Variants in FAM241A observed in about 807,000 individuals in gnomAD.
The protein encoded by FAM241A is uncharacterized protein FAM241A.
FAM241A carries 7 observed loss-of-function variants against 12.2 expected under a neutral mutation model. The ratio of observed to expected loss-of-function variants is 0.58; its 90% CI spans 0.33 to 1.08. The LOEUF is 1.08. Among genes scored for constraint, FAM241A ranks in the 50% least tolerant of loss-of-function variants. The probability of loss-of-function intolerance (pLI) is 0.04; values close to 1 mark genes in which losing one functional copy is unlikely to be tolerated. For missense variants in FAM241A, 161 were observed against 169.7 expected (o/e 0.95, Z 0.29); for synonymous variants, 74 against 68.2 (o/e 1.08, Z -0.42).
rs1360249671 is a variant in FAM241A, at chr4:112,186,753, G to A, written c.214G>A (p.Gly72Arg). The change falls in exon 2 of 2, where the codon GGA becomes AGA. Residue 72 changes from glycine (G) to arginine (R), a missense_variant. Transcript: ENST00000309733. ...GGTTGGAGATGACTACAAGAAAATG[G>A]GAACACTTTTTGGTGAACTGAACAA... is the stretch of plus-strand genomic sequence containing the variant. ...EPVGDDYKKM[G>R]TLFGELNKNL... 1 of 1,613,698 alleles carries A rather than the reference G, an allele frequency of 6.2e-7. No homozygotes were observed. Among genetic ancestry groups the A allele is most frequent in the Non-Finnish European group, 8.5e-7 (1 of 1,179,936 alleles).
In FAM241A at chr4:112,145,512, C is replaced by G. The variant is rs1014608004; in HGVS notation, c.-69C>G. Reference sequence around the variant, plus strand: ...GGATCCCAGGGCAGCCTTCGGGCGGCGGCGCTGCCTGGTGCGTCGCGGCGT... The same window carrying G: ...GGATCCCAGGGCAGCCTTCGGGCGGGGGCGCTGCCTGGTGCGTCGCGGCGT... On this transcript the variant is annotated 5_prime_UTR_variant, in exon 1 of 2. Coordinates refer to ENST00000309733, the MANE Select transcript of FAM241A (RefSeq NM_152400.3). 2.5e-5 allele frequency: 30 copies of G among 1,191,556 alleles called. No individual in the cohort carries two copies. The highest frequency in any genetic ancestry group is 3.0e-5 in the Non-Finnish European group (29 of 958,972). The allele number at this position is 1,191,556 out of a possible 1,614,324, so 73.8% of individuals were successfully genotyped here. A position where few individuals can be genotyped will look rare whatever the true frequency, so the allele number is the denominator to read the frequency against.
intron 1 of FAM241A, among the ~76,000 whole-genome samples, chr4:112,171,963 T>TA (rs1372293350): frequency 6.6e-6 from 1 of 152,224 alleles, no homozygotes; most frequent in African/African-American, 2.4e-5. Flanking sequence ...AAACTGCTTT[T>TA]AAAAACTGAT....
chr4:112,172,774 A>T (rs1723749221), intron 1 of FAM241A, among the ~76,000 whole-genome samples: 1 of 152,240 alleles, frequency 6.6e-6, no homozygotes, highest in South Asian at 2.1e-4. Flanking sequence ...AGTGTTTTTA[A>T]AGCCAAATAA....
intron 1 of FAM241A, among the ~76,000 whole-genome samples, chr4:112,186,255 C>T (rs1349042042): frequency 1.3e-5 from 2 of 152,160 alleles, no homozygotes; most frequent in African/African-American, 2.4e-5. Context: ...AGGGCCTGCG[C>T]TGAAGTCTGC....
At chr4:112,174,299 T>A (rs910633748) in intron 1 of FAM241A, among the ~76,000 whole-genome samples, 11 of 152,294 alleles carry the variant, frequency 7.2e-5, no homozygotes, top group African/African-American at 2.6e-4. Context: ...AAGTGTCTAA[T>A]TTTACAGCAG....
chr4:112,156,092 G>C (rs797015235), intron 1 of FAM241A, among the ~76,000 whole-genome samples: 3 of 152,276 alleles, frequency 2.0e-5, no homozygotes, highest in African/African-American at 7.2e-5. Flanking sequence ...GAGTAATATA[G>C]AAATTATTAG....
chr4:112,178,450 C>T (rs1723866389), intron 1 of FAM241A, among the ~76,000 whole-genome samples: 1 of 152,096 alleles, frequency 6.6e-6, no homozygotes, highest in East Asian at 1.9e-4. Context: ...TCCTCAACAC[C>T]ATTAAATAGG....
intron 1 of FAM241A, among the ~76,000 whole-genome samples, chr4:112,155,581 C>T (rs1055334197): frequency 6.6e-6 from 1 of 151,604 alleles, no homozygotes. Flanking sequence ...ATAGGTAGTA[C>T]ATTTTTACAT....
chr4:112,180,835 A>G (rs1237056621), intron 1 of FAM241A, among the ~76,000 whole-genome samples: 3 of 152,196 alleles, frequency 2.0e-5, no homozygotes, highest in Non-Finnish European at 2.9e-5. Flanking sequence ...AGTCCTGCCA[A>G]CATGACTTCT....
At chr4:112,175,850 C>T (rs1175476411) in intron 1 of FAM241A, among the ~76,000 whole-genome samples, 2 of 151,878 alleles carry the variant, frequency 1.3e-5, no homozygotes, top group Non-Finnish European at 2.9e-5. Flanking sequence ...AACACGTGGA[C>T]TAAAAGCAGG....
At chr4:112,164,203 T>C (rs1028927797) in intron 1 of FAM241A, among the ~76,000 whole-genome samples, 10 of 151,720 alleles carry the variant, frequency 6.6e-5, no homozygotes, top group Admixed American at 6.6e-4. Flanking sequence ...ACATGGCACA[T>C]GTATACATGT....
At chr4:112,185,949 GGCAGA>G (rs1413504418) in intron 1 of FAM241A, among the ~76,000 whole-genome samples, 1 of 152,076 alleles carries the variant, frequency 6.6e-6, no homozygotes, top group Non-Finnish European at 1.5e-5. Context: ...TCCCTCTATT[GGCAGA>G]GCCTAACAGG....
chr4:112,171,543 G>A lies in FAM241A; in HGVS notation c.154-15150G>A, dbSNP rs187504826. On this transcript the variant is annotated intron_variant, in intron 1 of 1. Coordinates refer to ENST00000309733, the MANE Select transcript of FAM241A (RefSeq NM_152400.3). ...GATTCAGTTCTAAGTGTCATCTTTT[G>A]TTTTATTATGAAGACTATAAAATCT... 3 of 752,044 alleles carry A rather than the reference G, an allele frequency of 4.0e-6. No individual in the cohort carries two copies. In the East Asian group the frequency reaches 7.4e-5, roughly 18 times the overall value. 46.6% of individuals were successfully genotyped at this position (752,044 alleles called of 1,614,324 possible). A position where few individuals can be genotyped will look rare whatever the true frequency, so the allele number is the denominator to read the frequency against.
intron 1 of FAM241A, among the ~76,000 whole-genome samples, chr4:112,149,525 AC>A (rs1176268220): frequency 6.6e-6 from 1 of 152,104 alleles, no homozygotes; most frequent in Non-Finnish European, 1.5e-5. Context: ...TTAAACTTCT[AC>A]CCTGGTATAG....
At chr4:112,149,776 A>G (rs1723210208) in intron 1 of FAM241A, among the ~76,000 whole-genome samples, 1 of 152,176 alleles carries the variant, frequency 6.6e-6, no homozygotes, top group South Asian at 2.1e-4. Context: ...TTACTAAACC[A>G]TTCATATATT....
intron 1 of FAM241A, among the ~76,000 whole-genome samples, chr4:112,170,750 G>A (rs906358473): frequency 1.3e-5 from 2 of 152,142 alleles, no homozygotes; most frequent in African/African-American, 4.8e-5. Context: ...GCAGCTAACT[G>A]AAACTGGGAA....
chr4:112,179,895 G>A (rs1461974004), intron 1 of FAM241A, among the ~76,000 whole-genome samples: 1 of 103,200 alleles, frequency 9.7e-6, no homozygotes, highest in African/African-American at 4.2e-5. Flanking sequence ...ATCAATGGTG[G>A]ATTGCATAAA....
intron 1 of FAM241A, among the ~76,000 whole-genome samples, chr4:112,181,467 G>A (rs532721009): frequency 3.0e-4 from 45 of 152,232 alleles, no homozygotes; most frequent in African/African-American, 9.9e-4. Flanking sequence ...AGGACATAGC[G>A]TTTGCTACAT....
intron 1 of FAM241A, among the ~76,000 whole-genome samples, chr4:112,174,889 T>C (rs532250281): frequency 6.6e-6 from 1 of 152,336 alleles, no homozygotes; most frequent in South Asian, 2.1e-4. Flanking sequence ...CCCTTACTCC[T>C]TGGAAACCAG....
Sources: gnomAD v4.1 joint callset for allele counts (sites outside exome capture counted in the v4.1 genomes callset) on GRCh38, gnomAD v4.1.1 for gene constraint, MANE v1.5 for transcripts, NCBI Gene and HGNC (gene_info 2026-07-23, HGNC 2026-07-21) for gene names.